The following COL24A1 variants were observed in gnomAD, a reference collection of about 807,000 sequenced individuals.
The protein encoded by COL24A1 is collagen alpha-1(XXIV) chain.
In COL24A1, 224 loss-of-function variants were observed where a neutral mutation model predicts 253.9. That is an observed-to-expected ratio of 0.88 (90% CI 0.79 to 0.99). The LOEUF (loss-of-function observed/expected upper bound fraction) is 0.99. Among genes scored for constraint, COL24A1 ranks in the 50% least tolerant of loss-of-function variants. The pLI is 0.00. For synonymous variants in COL24A1, 685 were observed against 673.7 expected (o/e 1.02, Z -0.26); for missense variants, 2,131 against 2,068.5 (o/e 1.03, Z -0.59).
intron 1 of COL24A1, among the ~76,000 whole-genome samples, chr1:86,146,867 G>A (rs995274099): frequency 1.4e-4 from 21 of 152,072 alleles, no homozygotes; most frequent in Non-Finnish European, 2.6e-4. Flanking sequence ...AAGCAAAAAT[G>A]TTTTGTGACA....
intron 8 of COL24A1, among the ~76,000 whole-genome samples, chr1:86,063,198 G>A (rs1377338743): frequency 6.7e-6 from 1 of 148,638 alleles, no homozygotes; most frequent in Non-Finnish European, 1.5e-5. Flanking sequence ...TATTGTGTAT[G>A]TGTATTATGG....
At position 86,013,728 on chromosome 1, in the gene COL24A1, T is replaced by C. The variant is rs563227321; in HGVS notation, c.2310+3423A>G. On this transcript the variant is annotated intron_variant, in intron 19 of 59. Coordinates refer to ENST00000370571, the MANE Select transcript of COL24A1 (RefSeq NM_152890.7). ...GCAGGCACCTGTAATCCCAGCTACT[T>C]GGGAGGCTGAGGCAGGAGAATCGCT... Among the ~76,000 whole-genome samples, 6 of 151,986 alleles carry C rather than the reference T, an allele frequency of 3.9e-5. No individual in the cohort carries two copies. The East Asian group carries it at 5.8e-4, about 15-fold the overall frequency.
intron 18 of COL24A1, among the ~76,000 whole-genome samples, chr1:86,019,127 T>G (rs2101277380): frequency 6.6e-6 from 1 of 152,300 alleles, no homozygotes; most frequent in Non-Finnish European, 1.5e-5. Flanking sequence ...AGATAGGCAT[T>G]AACTTATATA....
chr1:86,041,513 T>A (rs924085738), intron 12 of COL24A1, among the ~76,000 whole-genome samples: 2 of 152,146 alleles, frequency 1.3e-5, no homozygotes, highest in East Asian at 3.9e-4. Context: ...ATGCTTTTTT[T>A]AAAAGCAACT....
chr1:85,997,041 A>ATGTGTGTG lies in COL24A1; in HGVS notation c.2311-9395_2311-9388dup, dbSNP rs1212886965. Among the ~76,000 whole-genome samples, 233 of 81,098 alleles carry ATGTGTGTG rather than the reference A, an allele frequency of 2.9e-3. 15 individuals are homozygous for ATGTGTGTG. The highest frequency in any genetic ancestry group is 6.6e-3 in the African/African-American group (153 of 23,276). The allele number at this position is 81,098 out of a possible 152,430, so 53.2% of individuals were successfully genotyped here. On this transcript the variant is annotated intron_variant, in intron 19 of 59. Transcript: ENST00000370571. The stretch of plus-strand genomic sequence containing the variant: ...TATGTGTGTGTGTATATATATATAT[A>ATGTGTGTG]TGTGTGTGTGTGTGTATATATATAT...
chr1:85,887,897 C>A (rs1682697146), intron 32 of COL24A1, among the ~76,000 whole-genome samples: 1 of 152,108 alleles, frequency 6.6e-6, no homozygotes, highest in African/African-American at 2.4e-5. Context: ...TTTCCATAGG[C>A]AATGAATCCA....
chr1:86,080,941 C>A (rs1490887052), intron 7 of COL24A1, among the ~76,000 whole-genome samples: 1 of 152,060 alleles, frequency 6.6e-6, no homozygotes, highest in South Asian at 2.1e-4. Flanking sequence ...TTGTACAATG[C>A]AATCTTAATA....
chr1:85,796,789 T>C (rs1467737996), intron 47 of COL24A1, among the ~76,000 whole-genome samples: 1 of 152,188 alleles, frequency 6.6e-6, no homozygotes, highest in Non-Finnish European at 1.5e-5. Context: ...ATAAAAACCA[T>C]ATGGATTAAG....
chr1:85,862,883 T>C (rs981039270), intron 37 of COL24A1, among the ~76,000 whole-genome samples: 3 of 152,220 alleles, frequency 2.0e-5, no homozygotes, highest in Admixed American at 2.0e-4. Flanking sequence ...GGGGATGGCA[T>C]TGAATCTATA....
At position 85,891,627 on chromosome 1, in the gene COL24A1, T is replaced by A. The variant is rs1683143055; in HGVS notation, c.2923-2014A>T. 1.3e-5 allele frequency among the ~76,000 whole-genome samples: 2 copies of A among 152,198 alleles called. 1 individual carries two copies. The highest frequency in any genetic ancestry group is 4.1e-4 in the South Asian group (2 of 4,830). The stretch of plus-strand genomic sequence containing the variant: ...GGCCCTGTTTCAGTCATGTAAATGA[T>A]ATGGTGCCTATTTACTCCAGGATCC... On this transcript the variant is annotated intron_variant, in intron 31 of 59. Coordinates refer to ENST00000370571, the MANE Select transcript of COL24A1 (RefSeq NM_152890.7).
chr1:86,062,627 G>A (rs1394039090), intron 8 of COL24A1, among the ~76,000 whole-genome samples: 11 of 152,016 alleles, frequency 7.2e-5, no homozygotes, highest in Non-Finnish European at 7.4e-5. Context: ...TGGAATCCAC[G>A]TTTCTGCCAA....
At chr1:86,142,057 A>G (rs1254240468) in intron 2 of COL24A1, among the ~76,000 whole-genome samples, 1 of 152,166 alleles carries the variant, frequency 6.6e-6, no homozygotes, top group East Asian at 1.9e-4. Flanking sequence ...CTTCTCCAAC[A>G]TAAAAGACAG....
intron 42 of COL24A1, among the ~76,000 whole-genome samples, chr1:85,839,251 T>TAC (rs1385964798): frequency 2.0e-5 from 3 of 152,040 alleles, no homozygotes; most frequent in Admixed American, 2.0e-4. Flanking sequence ...TTTCAATTAG[T>TAC]ACAGTATGTT....
At chr1:85,989,096 C>A (rs1455315180) in intron 19 of COL24A1, among the ~76,000 whole-genome samples, 1 of 152,042 alleles carries the variant, frequency 6.6e-6, no homozygotes, top group Non-Finnish European at 1.5e-5. Context: ...TTCTCTAGAA[C>A]ACACCTTTTG....
At chr1:85,774,997 C>G (rs938375374) in intron 53 of COL24A1, among the ~76,000 whole-genome samples, 1 of 152,068 alleles carries the variant, frequency 6.6e-6, no homozygotes. Context: ...TGCTTTCTCT[C>G]GTGGGCATTT....
chr1:85,926,568 C>T (rs893462163), intron 24 of COL24A1, among the ~76,000 whole-genome samples: 1 of 151,336 alleles, frequency 6.6e-6, no homozygotes, highest in Non-Finnish European at 1.5e-5. Flanking sequence ...ATCACAAGGA[C>T]ATAAGACCAA....
chr1:85,795,250 A>T (rs931457239), intron 47 of COL24A1, among the ~76,000 whole-genome samples: 3 of 152,190 alleles, frequency 2.0e-5, no homozygotes, highest in African/African-American at 7.2e-5. Context: ...GGGAAGGAAA[A>T]TGGTGCTATA....
chr1:86,072,241 T>C (rs114151697), intron 7 of COL24A1, among the ~76,000 whole-genome samples: 4,044 of 152,220 alleles, frequency 0.027, 181 homozygotes, highest in African/African-American at 0.093. Context: ...ACAGAGCCCA[T>C]GAAGCTAAAA....
At chr1:85,739,400 C>G (rs912146829) in intron 57 of COL24A1, among the ~76,000 whole-genome samples, 10 of 152,128 alleles carry the variant, frequency 6.6e-5, no homozygotes, top group African/African-American at 1.9e-4. Flanking sequence ...AGTCCTATAC[C>G]ATGACATATC....
Sources: gnomAD v4.1 joint callset for allele counts (sites outside exome capture counted in the v4.1 genomes callset) on GRCh38, gnomAD v4.1.1 for gene constraint, MANE v1.5 for transcripts, NCBI Gene and HGNC (gene_info 2026-07-23, HGNC 2026-07-21) for gene names.